MBOAT2: variants seen among roughly 807,000 people sequenced by gnomAD.
MBOAT2 encodes the protein membrane-bound glycerophospholipid O-acyltransferase 2.
In MBOAT2, 28 loss-of-function variants were observed where a neutral mutation model predicts 63.4. That is an observed-to-expected ratio of 0.44 (90% confidence interval 0.33 to 0.61). The LOEUF (loss-of-function observed/expected upper bound fraction) is 0.61, where lower values mean the gene tolerates loss of function less well. Among genes scored for constraint, MBOAT2 ranks in the 20% least tolerant of loss-of-function variants. MBOAT2 has a pLI of 0.03. For synonymous variants in MBOAT2, 211 were observed against 215.6 expected, an observed-to-expected ratio of 0.98 and a Z score of 0.19; for missense variants, 470 against 605.8, an observed-to-expected ratio of 0.78 and a Z score of 2.35.
At position 8,908,697 on chromosome 2, in the gene MBOAT2, G is replaced by A. The variant is rs763981241; in HGVS notation, c.319C>T (p.Leu107=). The change falls in exon 4 of 13, where the codon CTG becomes TTG. Residue 107 remains leucine (L), a synonymous_variant. Transcript: ENST00000305997. ...ACTTGGCACACTGTGAGGTATCCCAGAGCAAACACAAAGCAGTAACTGCAA... is the reference window on the plus strand; with the variant it reads ...ACTTGGCACACTGTGAGGTATCCCAAAGCAAACACAAAGCAGTAACTGCAA... ...NMHNYCFVFA[L]GYLTVCQVTR... is the part of the protein sequence containing the mutation. The A allele has an allele frequency of 4.3e-6, 7 of 1,609,932 alleles. No individual in the cohort carries two copies.
chr2:8,957,795 C>A (rs531874621), intron 2 of MBOAT2, among the ~76,000 whole-genome samples: 1 of 152,248 alleles, frequency 6.6e-6, no homozygotes, highest in East Asian at 1.9e-4. Flanking sequence ...AAGAGACTGC[C>A]GCTGAGAGTT....
chr2:8,865,979 G>A (rs551696988), intron 9 of MBOAT2, among the ~76,000 whole-genome samples: 52 of 152,152 alleles, frequency 3.4e-4, no homozygotes, highest in Non-Finnish European at 6.8e-4. Context: ...AGAGGTTGCA[G>A]TGAACCGAAA....
chr2:8,953,256 A>C (rs912096218), intron 2 of MBOAT2, among the ~76,000 whole-genome samples: 3 of 152,148 alleles, frequency 2.0e-5, no homozygotes, highest in Non-Finnish European at 4.4e-5. Flanking sequence ...TCTTGGTTGG[A>C]ATTTCTTTAA....
At chr2:8,879,075 C>CAA (rs58971939) in intron 6 of MBOAT2, among the ~76,000 whole-genome samples, 16 of 58,846 alleles carry the variant, frequency 2.7e-4, no homozygotes, top group African/African-American at 6.1e-4. Context: ...GACTCCGTCT[C>CAA]AAAAAAAAAA....
chr2:8,883,065 AT>A (rs1663261377), intron 5 of MBOAT2, among the ~76,000 whole-genome samples: 1 of 152,190 alleles, frequency 6.6e-6, no homozygotes, highest in African/African-American at 2.4e-5. Context: ...AGGATATATT[AT>A]TTAAGATTAC....
At chr2:8,912,416 A>AAAGAAAGAAAGG (rs199665950) in intron 3 of MBOAT2, among the ~76,000 whole-genome samples, 12 of 135,150 alleles carry the variant, frequency 8.9e-5, no homozygotes, top group Admixed American at 2.1e-4. Flanking sequence ...AGAAAGAAAG[A>AAAGAAAGAAAGG]CAGGCCGGCC....
chr2:8,859,772 G>A (rs891004946), intron 12 of MBOAT2, among the ~76,000 whole-genome samples: 2 of 152,118 alleles, frequency 1.3e-5, no homozygotes, highest in East Asian at 3.8e-4. Flanking sequence ...GCAGGGAGAG[G>A]AGATAAGTAG....
rs1661062195 is a variant in MBOAT2, at chr2:8,856,156, C to T, written c.*2523G>A. 6.6e-6 allele frequency: 1 copy of T among 152,104 alleles called. No individual in the cohort carries two copies. The allele number at this position is 152,104 out of a possible 1,614,324, so 9.4% of individuals were successfully genotyped here. ...TATTATCTTCGAAGGAACCAGAAAA[C>T]CAATCAAATATCTTGCTTTCTAGAT... On this transcript the variant is annotated 3_prime_UTR_variant, in exon 13 of 13. Coordinates refer to ENST00000305997, the MANE Select transcript of MBOAT2 (RefSeq NM_138799.4). This position sits in a 1 kb window ranked among gnomAD's most constrained non-coding sequence, Gnocchi z 4.2.
chr2:8,953,368 A>AT (rs1268457456), intron 2 of MBOAT2, among the ~76,000 whole-genome samples: 3 of 152,048 alleles, frequency 2.0e-5, no homozygotes, highest in Admixed American at 1.3e-4. Flanking sequence ...TGCCTTTAAG[A>AT]TTTTTTTCTT....
rs1351152100 is a variant in MBOAT2, at chr2:8,854,770, G to A, written c.*3909C>T. The A allele has an allele frequency of 6.6e-6, 1 of 152,164 alleles. No individual in the cohort carries two copies. The highest frequency in any genetic ancestry group is 2.4e-5 in the African/African-American group (1 of 41,440). 9.4% of individuals were successfully genotyped at this position (152,164 alleles called of 1,614,324 possible). A position where few individuals can be genotyped will look rare whatever the true frequency, so the allele number is the denominator to read the frequency against. On this transcript the variant is annotated 3_prime_UTR_variant, in exon 13 of 13. Coordinates refer to ENST00000305997, the MANE Select transcript of MBOAT2 (RefSeq NM_138799.4). Reference sequence around the variant, plus strand: ...ACTGTGATCTAGTCCTTGAGTAAAAGTATAAATTTATAATTATTTTAATGG... The same window carrying A: ...ACTGTGATCTAGTCCTTGAGTAAAAATATAAATTTATAATTATTTTAATGG...
intron 3 of MBOAT2, among the ~76,000 whole-genome samples, chr2:8,939,090 G>A (rs1042272504): frequency 5.3e-5 from 8 of 152,188 alleles, no homozygotes; most frequent in Non-Finnish European, 8.8e-5. Flanking sequence ...TAAATAAGAC[G>A]AATGAATGAA....
intron 1 of MBOAT2, among the ~76,000 whole-genome samples, chr2:8,996,895 T>C (rs1461839621): frequency 1.3e-5 from 2 of 152,158 alleles, no homozygotes; most frequent in African/African-American, 2.4e-5. Context: ...AAATCCAAAA[T>C]ACTCTCGTGG....
intron 1 of MBOAT2, among the ~76,000 whole-genome samples, chr2:8,972,541 T>C (rs963645389): frequency 1.4e-4 from 21 of 152,152 alleles, no homozygotes; most frequent in African/African-American, 5.1e-4. Flanking sequence ...ACTAAAGAGC[T>C]TCTGCACAGC....
chr2:8,873,990 G>C (rs955280757), intron 7 of MBOAT2, among the ~76,000 whole-genome samples: 2 of 152,180 alleles, frequency 1.3e-5, no homozygotes, highest in Non-Finnish European at 2.9e-5. Flanking sequence ...TGGTATAAAA[G>C]AGATTATATA....
intron 4 of MBOAT2, among the ~76,000 whole-genome samples, chr2:8,898,966 G>T (rs558476097): frequency 6.6e-6 from 1 of 152,354 alleles, no homozygotes; most frequent in East Asian, 1.9e-4. Context: ...TCCTAGAATT[G>T]GGGTGTTGCA....
At chr2:8,965,764 T>C (rs1172773241) in intron 1 of MBOAT2, among the ~76,000 whole-genome samples, 1 of 152,118 alleles carries the variant, frequency 6.6e-6, no homozygotes, top group Non-Finnish European at 1.5e-5. Flanking sequence ...ACTGTTCAAA[T>C]ATGATAGCCA....
At chr2:8,908,524 C>A in intron 4 of MBOAT2, 97 bp downstream of exon 4, 1 of 643,796 alleles carries the variant, frequency 1.6e-6, no homozygotes, top group Non-Finnish European at 2.7e-6. Context: ...TTAATAATAG[C>A]TTTTCACTTG....
chr2:8,938,733 G>A (rs909049424), intron 3 of MBOAT2, among the ~76,000 whole-genome samples: 11 of 140,666 alleles, frequency 7.8e-5, no homozygotes, highest in Admixed American at 4.3e-4. Context: ...TCATGCCACC[G>A]TTGTCTCATG....
chr2:8,929,888 T>C (rs1376076411), intron 3 of MBOAT2, among the ~76,000 whole-genome samples: 1 of 152,178 alleles, frequency 6.6e-6, no homozygotes, highest in African/African-American at 2.4e-5. Flanking sequence ...CACATATGCT[T>C]AAAATATTCC....
Sources: gnomAD v4.1 joint callset for allele counts (sites outside exome capture counted in the v4.1 genomes callset) on GRCh38, gnomAD v4.1.1 for gene constraint, Gnocchi (gnomAD v3.1) non-coding constraint, MANE v1.5 for transcripts, NCBI Gene and HGNC (gene_info 2026-07-23, HGNC 2026-07-21) for gene names.